The following GPATCH2 variants were observed in gnomAD, a reference collection of about 807,000 sequenced individuals.
The protein encoded by GPATCH2 is G patch domain-containing protein 2.
GPATCH2 carries 51 observed loss-of-function variants against 58.0 expected under a neutral mutation model. That is an observed-to-expected ratio of 0.88 (90% CI 0.70 to 1.11). The LOEUF (loss-of-function observed/expected upper bound fraction) is 1.11. Among genes scored for constraint, GPATCH2 ranks in the 50% most tolerant of loss-of-function variants. The probability of loss-of-function intolerance (pLI) is 0.00; values close to 1 mark genes in which losing one functional copy is unlikely to be tolerated. For synonymous variants in GPATCH2, 222 were observed against 218.5 expected, an observed-to-expected ratio of 1.02 and a Z score of -0.14; for missense variants, 625 against 652.2, an observed-to-expected ratio of 0.96 and a Z score of 0.45.
At position 217,610,308 on chromosome 1, in the gene GPATCH2, A is replaced by G; in HGVS notation, c.1098+13T>C. On this transcript the variant is annotated intron_variant, in intron 5 of 9. Coordinates refer to ENST00000366935, the MANE Select transcript of GPATCH2 (RefSeq NM_018040.5). ...TTCCAAACATGACAATTACACAGAAAAAGTATGCCTACCATTGAAGTTGGA... is the reference window on the plus strand; with the variant it reads ...TTCCAAACATGACAATTACACAGAAGAAGTATGCCTACCATTGAAGTTGGA... 6.5e-7 allele frequency: 1 copy of G among 1,544,734 alleles called. No homozygotes were observed. The highest frequency in any genetic ancestry group is 1.1e-5 in the South Asian group (1 of 88,806).
chr1:217,538,990 T>C (rs1664604302), intron 5 of GPATCH2, among the ~76,000 whole-genome samples: 1 of 152,186 alleles, frequency 6.6e-6, no homozygotes, highest in Non-Finnish European at 1.5e-5. Flanking sequence ...AAAAGGTGTA[T>C]CAATGTGGAC....
At chr1:217,551,501 A>T (rs1665358005) in intron 5 of GPATCH2, among the ~76,000 whole-genome samples, 1 of 152,052 alleles carries the variant, frequency 6.6e-6, no homozygotes, top group South Asian at 2.1e-4. Context: ...GTTGAATACC[A>T]CCCACCGCTC....
chr1:217,595,970 AC>A (rs1165018554), intron 5 of GPATCH2, among the ~76,000 whole-genome samples: 3 of 152,134 alleles, frequency 2.0e-5, no homozygotes, highest in African/African-American at 7.2e-5. Flanking sequence ...AGAATAATTT[AC>A]TTTTTAATAA....
At chr1:217,553,345 C>T (rs1471507502) in intron 5 of GPATCH2, among the ~76,000 whole-genome samples, 1 of 152,034 alleles carries the variant, frequency 6.6e-6, no homozygotes, top group Non-Finnish European at 1.5e-5. Flanking sequence ...CTCTATTCTG[C>T]ACTTTAAAAA....
At chr1:217,582,043 A>T (rs1219930686) in intron 5 of GPATCH2, among the ~76,000 whole-genome samples, 2 of 152,182 alleles carry the variant, frequency 1.3e-5, no homozygotes, top group Non-Finnish European at 2.9e-5. Context: ...GGTAGGTAGG[A>T]ATCAAGAAGT....
At position 217,466,643 on chromosome 1, in the gene GPATCH2, A is replaced by G. The variant is rs555946405; in HGVS notation, c.1278-17306T>C. Reference sequence around the variant, plus strand: ...GCCAGCTAACTTCAATATTGCTCACAGTAGGGAACCAGCAGCAAGGGGCCT... The same window carrying G: ...GCCAGCTAACTTCAATATTGCTCACGGTAGGGAACCAGCAGCAAGGGGCCT... On this transcript the variant is annotated intron_variant, in intron 8 of 9. Coordinates refer to ENST00000366935, the MANE Select transcript of GPATCH2 (RefSeq NM_018040.5). 3.9e-5 allele frequency among the ~76,000 whole-genome samples: 6 copies of G among 152,322 alleles called. No individual in the cohort carries two copies. In the East Asian group the frequency reaches 1.2e-3, roughly 29 times the overall value.
At chr1:217,623,502 C>A (rs904192373) in intron 1 of GPATCH2, among the ~76,000 whole-genome samples, 8 of 151,642 alleles carry the variant, frequency 5.3e-5, no homozygotes, top group South Asian at 2.1e-4. Flanking sequence ...ATAGAAATTT[C>A]ATTCTTAGTA....
chr1:217,446,722 C>CA (rs1475255541), intron 9 of GPATCH2, among the ~76,000 whole-genome samples: 1 of 151,958 alleles, frequency 6.6e-6, no homozygotes, highest in East Asian at 1.9e-4. Context: ...AAGAAAATCA[C>CA]AATTTTGAAA....
intron 5 of GPATCH2, among the ~76,000 whole-genome samples, chr1:217,605,164 A>G (rs1347579638): frequency 6.6e-6 from 1 of 152,238 alleles, no homozygotes; most frequent in Non-Finnish European, 1.5e-5. Flanking sequence ...ATTGTCATTA[A>G]CAAAATGCCA....
At chr1:217,532,630 G>A (rs1317305167) in intron 5 of GPATCH2, among the ~76,000 whole-genome samples, 1 of 152,106 alleles carries the variant, frequency 6.6e-6, no homozygotes, top group African/African-American at 2.4e-5. Flanking sequence ...AAGGTGGTAG[G>A]GAAGAGGAAC....
intron 5 of GPATCH2, among the ~76,000 whole-genome samples, chr1:217,567,046 CTTTT>C (rs71301102): frequency 7.5e-6 from 1 of 133,588 alleles, no homozygotes; most frequent in African/African-American, 3.0e-5. Flanking sequence ...TAACTTCTGG[CTTTT>C]TTTTTTTTTT....
At chr1:217,517,912 G>C (rs533565972) in intron 5 of GPATCH2, among the ~76,000 whole-genome samples, 1 of 152,194 alleles carries the variant, frequency 6.6e-6, no homozygotes, top group East Asian at 1.9e-4. Context: ...ATGAGAAACA[G>C]TATCTCCACA....
chr1:217,496,060 A>T (rs1661991801), intron 7 of GPATCH2, among the ~76,000 whole-genome samples: 1 of 152,216 alleles, frequency 6.6e-6, no homozygotes, highest in South Asian at 2.1e-4. Context: ...AAAAGATTTT[A>T]TACTTCATGG....
chr1:217,561,766 A>G (rs1250744974), intron 5 of GPATCH2, among the ~76,000 whole-genome samples: 1 of 152,140 alleles, frequency 6.6e-6, no homozygotes, highest in Non-Finnish European at 1.5e-5. Context: ...TGACAAGTGC[A>G]AGAAGTAGAG....
At chr1:217,472,462 G>A (rs7523008) in intron 8 of GPATCH2, among the ~76,000 whole-genome samples, 14,540 of 151,762 alleles carry the variant, frequency 0.096, 1,344 homozygotes, top group African/African-American at 0.24. Context: ...CCACCACGCC[G>A]GGCTAATTTT....
chr1:217,447,454 TTAG>T (rs1171665207), intron 9 of GPATCH2, among the ~76,000 whole-genome samples: 1 of 152,240 alleles, frequency 6.6e-6, no homozygotes, highest in African/African-American at 2.4e-5. Flanking sequence ...TTCTGTCATC[TTAG>T]GTAGCTAACC....
chr1:217,470,833 T>C (rs1277846050), intron 8 of GPATCH2, among the ~76,000 whole-genome samples: 1 of 152,112 alleles, frequency 6.6e-6, no homozygotes, highest in African/African-American at 2.4e-5. Context: ...TTGGAATATA[T>C]ATGTAATTAA....
chr1:217,620,547 A>T, intron 1 of GPATCH2, 48 bp from the exon 2 acceptor site: 2 of 1,049,552 alleles, frequency 1.9e-6, no homozygotes, highest in South Asian at 1.5e-5. Context: ...TCTTAACCAC[A>T]GTAACCTCAT....
At chr1:217,451,490 C>T (rs540524668) in intron 8 of GPATCH2, among the ~76,000 whole-genome samples, 2 of 152,326 alleles carry the variant, frequency 1.3e-5, no homozygotes, top group South Asian at 2.1e-4. Context: ...ACTTGAGCTT[C>T]TTTGACTTCT....
Sources: gnomAD v4.1 joint callset for allele counts (sites outside exome capture counted in the v4.1 genomes callset) on GRCh38, gnomAD v4.1.1 for gene constraint, MANE v1.5 for transcripts, NCBI Gene and HGNC (gene_info 2026-07-23, HGNC 2026-07-21) for gene names.